C4orf50: variants seen among roughly 807,000 people sequenced by gnomAD.
C4orf50 encodes the protein uncharacterized protein C4orf50.
In C4orf50, 80 loss-of-function variants were observed where a neutral mutation model predicts 77.2. The ratio of observed to expected loss-of-function variants is 1.04; its 90% CI spans 0.87 to 1.25. The LOEUF (loss-of-function observed/expected upper bound fraction) is 1.25. Among genes scored for constraint, C4orf50 ranks in the 50% most tolerant of loss-of-function variants. The probability of loss-of-function intolerance (pLI) is 0.00; values close to 1 mark genes in which losing one functional copy is unlikely to be tolerated. For synonymous variants in C4orf50, 532 were observed against 465.3 expected (o/e 1.14, Z -1.84); for missense variants, 1,257 against 1,152.9 (o/e 1.09, Z -1.31).
intron 23 of C4orf50, among the ~76,000 whole-genome samples, chr4:6,013,390 G>C (rs1395687097): frequency 6.6e-6 from 1 of 152,152 alleles, no homozygotes; most frequent in East Asian, 1.9e-4. Flanking sequence ...TTCTAGTTTT[G>C]AGACCAATCT....
chr4:5,947,739 C>T (rs1027644967), intron 7 of C4orf50, among the ~76,000 whole-genome samples: 1 of 152,324 alleles, frequency 6.6e-6, no homozygotes, highest in African/African-American at 2.4e-5. Flanking sequence ...TAGCCTAACA[C>T]TCTTCCAAGT....
chr4:5,934,717 C>T (rs1717932108), intron 7 of C4orf50, among the ~76,000 whole-genome samples: 2 of 152,194 alleles, frequency 1.3e-5, no homozygotes, highest in Admixed American at 6.5e-5. Context: ...GCTCCTGAAG[C>T]CTAGAACGAG....
At chr4:5,906,651 T>C (rs1002877228) in intron 7 of C4orf50, among the ~76,000 whole-genome samples, 73 of 152,180 alleles carry the variant, frequency 4.8e-4, no homozygotes, top group African/African-American at 1.7e-3. Context: ...TTTGCTGCAA[T>C]GCTAAGGGTC....
chr4:5,900,270 T>TG lies in C4orf50; in HGVS notation c.*2475-2083dup, dbSNP rs1437982907. The stretch of plus-strand genomic sequence containing the variant: ...AAAGGACCCCAGCTGTAAAAGGACT[T>TG]GCGTTCCCTGTTCTCTCCAATGATG... On this transcript the variant is annotated intron_variant, in intron 7 of 7. Coordinates refer to the C4orf50 transcript ENST00000324058. The surrounding 1 kb of genome is among the most constrained non-coding windows in gnomAD (Gnocchi z 4.3). 1 of 152,042 alleles carries TG rather than the reference T, an allele frequency of 6.6e-6. No homozygotes were observed. The highest frequency in any genetic ancestry group is 1.9e-4 in the East Asian group (1 of 5,172). 9.4% of individuals were successfully genotyped at this position (152,042 alleles called of 1,614,324 possible).
chr4:6,003,253 C>A (rs1721917564), intron 25 of C4orf50, among the ~76,000 whole-genome samples: 1 of 152,226 alleles, frequency 6.6e-6, no homozygotes, highest in Non-Finnish European at 1.5e-5. Context: ...ATTCAGGCAG[C>A]TCAATGGTGA....
rs1721179085 is a variant in C4orf50 at position 5,990,154 on chromosome 4, T to A, written c.1892A>T (p.Glu631Val). ...GGGACCCTCCTTTGATACTGAGGCC[T>A]CCCCCTGTAGAAGAGGCATCAAAAA... The change falls in exon 28 of 34, where the codon GAG becomes GTG. Residue 631 changes from glutamate (E) to valine (V), a missense_variant. By Grantham distance (121) the Glu-to-Val change is moderately radical. Transcript: ENST00000531445. The A allele has an allele frequency of 5.6e-6, 7 of 1,255,516 alleles. No homozygotes were observed. The East Asian group carries it at 2.1e-4, about 37-fold the overall frequency. The allele number at this position is 1,255,516 out of a possible 1,614,324, so 77.8% of individuals were successfully genotyped here.
chr4:5,917,637 C>T (rs1717088661), intron 7 of C4orf50, among the ~76,000 whole-genome samples: 1 of 152,072 alleles, frequency 6.6e-6, no homozygotes, highest in East Asian at 1.9e-4. Flanking sequence ...TGGTCTCGAT[C>T]TCTTGACCTC....
At position 6,008,661 on chromosome 4, in the gene C4orf50, T is replaced by C. The variant is rs1425120568; in HGVS notation, c.427-129A>G. ...CGTTTTTGCATTTTGTGCATTGTAA[T>C]AGTGCATCAAAGTATTATCTCTTTG... On this transcript the variant is annotated intron_variant, in intron 24 of 33. Coordinates refer to ENST00000531445, the Ensembl canonical transcript of C4orf50. The surrounding 1 kb of genome is among the most constrained non-coding windows in gnomAD (Gnocchi z 6.0). 4 of 392,270 alleles carry C rather than the reference T, an allele frequency of 1.0e-5. No homozygotes were observed. Among genetic ancestry groups the C allele is most frequent in the Non-Finnish European group, 1.8e-5 (4 of 222,418 alleles). 24.3% of individuals were successfully genotyped at this position (392,270 alleles called of 1,614,324 possible).
At chr4:5,902,503 C>T (rs1400108776) in intron 7 of C4orf50, 1 of 152,122 alleles carries the variant, frequency 6.6e-6, no homozygotes, top group East Asian at 1.9e-4. Flanking sequence ...GATTTGGAAC[C>T]CTTGGACGTG....
chr4:6,006,555 C>T (rs1185453802), intron 25 of C4orf50, among the ~76,000 whole-genome samples: 1 of 152,240 alleles, frequency 6.6e-6, no homozygotes, highest in Non-Finnish European at 1.5e-5. Flanking sequence ...CGAATATCAC[C>T]TGCCTTCATA....
intron 7 of C4orf50, among the ~76,000 whole-genome samples, chr4:5,920,328 T>C (rs770734555): frequency 2.0e-5 from 3 of 152,176 alleles, no homozygotes; most frequent in Non-Finnish European, 4.4e-5. Context: ...GACAGTCATG[T>C]CTACTTTGGA....
At chr4:6,003,753 G>T (rs1317109341) in intron 25 of C4orf50, among the ~76,000 whole-genome samples, 2 of 147,610 alleles carry the variant, frequency 1.4e-5, no homozygotes, top group African/African-American at 5.0e-5. Flanking sequence ...TGGTGATGGT[G>T]ATGATGTGAT....
chr4:5,911,130 C>G (rs1048310640), intron 7 of C4orf50, among the ~76,000 whole-genome samples: 2 of 152,056 alleles, frequency 1.3e-5, no homozygotes, highest in African/African-American at 4.8e-5. Flanking sequence ...AGGATGGTCT[C>G]GATCTCCTGA....
Position 6,008,109 on chromosome 4 carries a change from C to T in C4orf50, c.850G>A (p.Gly284Arg). Residue 284 changes from glycine to arginine, a missense_variant, in exon 25 of 34, where the codon GGG becomes AGG. Physicochemically the swap from Gly to Arg is moderately radical, Grantham distance 125. Coordinates refer to ENST00000531445, the Ensembl canonical transcript of C4orf50. This position sits in a 1 kb window ranked among gnomAD's most constrained non-coding sequence, Gnocchi z 6.0. Reference sequence around the variant, plus strand: ...AGGCCAATCTCTGACAGCTTCAGCCCATAGATGCAGCAGCGCAGCTCCTCC... The same window carrying T: ...AGGCCAATCTCTGACAGCTTCAGCCTATAGATGCAGCAGCGCAGCTCCTCC... 5 of 399,110 alleles carry T rather than the reference C, an allele frequency of 1.3e-5. No individual in the cohort carries two copies. 24.7% of individuals were successfully genotyped at this position (399,110 alleles called of 1,614,324 possible). A position where few individuals can be genotyped will look rare whatever the true frequency, so the allele number is the denominator to read the frequency against.
intron 7 of C4orf50, among the ~76,000 whole-genome samples, chr4:5,935,813 C>G (rs954571643): frequency 1.7e-5 from 2 of 120,194 alleles, no homozygotes; most frequent in African/African-American, 7.0e-5. Flanking sequence ...AAAAAAAAGC[C>G]CCAGAGGCCA....
intron 32 of C4orf50, among the ~76,000 whole-genome samples, chr4:5,965,378 C>T (rs1719510688): frequency 6.6e-6 from 1 of 152,242 alleles, no homozygotes; most frequent in South Asian, 2.1e-4. Context: ...AACTGCCTGC[C>T]TGCCTGCCTC....
chr4:5,975,907 G>A (rs1560576246), exon 30 of C4orf50: 1 of 1,611,536 alleles, frequency 6.2e-7, no homozygotes, highest in Non-Finnish European at 8.5e-7. Flanking sequence ...ACCTTCAGGG[G>A]AGTCACTGCC....
rs1439266024 is a variant in C4orf50, at chr4:6,015,295, C to T, written c.287+2850G>A. 6.6e-6 allele frequency among the ~76,000 whole-genome samples: 1 copy of T among 152,034 alleles called. No homozygotes were observed. The highest frequency in any genetic ancestry group is 1.5e-5 in the Non-Finnish European group (1 of 68,008). On this transcript the variant is annotated intron_variant, in intron 23 of 33. Coordinates refer to ENST00000531445, the Ensembl canonical transcript of C4orf50. This position sits in a 1 kb window ranked among gnomAD's most constrained non-coding sequence, Gnocchi z 4.4. ...GCCCAGATCCAATCCGACTGGGGTCCTTGTAAGAGGAGGAGAGGAGGACAC... is the reference window on the plus strand; with the variant it reads ...GCCCAGATCCAATCCGACTGGGGTCTTTGTAAGAGGAGGAGAGGAGGACAC...
At chr4:6,003,952 G>T (rs1722012157) in intron 25 of C4orf50, among the ~76,000 whole-genome samples, 1 of 140,856 alleles carries the variant, frequency 7.1e-6, no homozygotes. Flanking sequence ...GGTGATGATG[G>T]TGATGGTGAT....
Sources: allele counts gnomAD v4.1 joint callset (sites outside exome capture counted in the v4.1 genomes callset), GRCh38; gene constraint gnomAD v4.1.1; non-coding constraint Gnocchi (gnomAD v3.1); transcripts MANE v1.5; gene names NCBI Gene and HGNC (gene_info 2026-07-23, HGNC 2026-07-21).